DHX34: variants seen among roughly 807,000 people sequenced by gnomAD.
DHX34 encodes the protein DExH-box helicase 34.
DHX34 carries 96 observed loss-of-function variants against 111.1 expected under a neutral mutation model. That is an observed-to-expected ratio of 0.86 (90% CI 0.73 to 1.02). DHX34 has a LOEUF of 1.02. Among genes scored for constraint, DHX34 ranks in the 50% least tolerant of loss-of-function variants. DHX34 has a pLI of 0.00. For synonymous variants in DHX34, 688 were observed against 670.4 expected, an observed-to-expected ratio of 1.03 and a Z score of -0.41; for missense variants, 1,560 against 1,579.9, an observed-to-expected ratio of 0.99 and a Z score of 0.21.
At chr19:47,376,356 A>C in intron 11 of DHX34, 87 bp from the exon 12 acceptor site, 1 of 1,547,346 alleles carries the variant, frequency 6.5e-7, no homozygotes, top group Non-Finnish European at 8.7e-7. Context: ...TGGAGGAGGG[A>C]ACCTGGGCCA....
Position 47,368,863 on chromosome 19 carries a change from G to A in DHX34, c.1768+1708G>A, listed in dbSNP as rs560372248. 5.1e-4 allele frequency among the ~76,000 whole-genome samples: 78 copies of A among 151,800 alleles called. 1 individual carries two copies. The South Asian group carries it at 7.3e-3, about 14-fold the overall frequency. On this transcript the variant is annotated intron_variant, in intron 7 of 16. Coordinates refer to ENST00000328771, the MANE Select transcript of DHX34 (RefSeq NM_014681.6). ...TGAGTAGCTGAGACTGTAGGTGCCC[G>A]CCATCATACCTGGCTAATTTTTGTT...
rs1005362105 is a variant in DHX34, at chr19:47,353,869, C to G, written c.705+134C>G. On this transcript the variant is annotated intron_variant, in intron 2 of 16. Transcript: ENST00000328771. The surrounding 1 kb of genome is among the most constrained non-coding windows in gnomAD (Gnocchi z 4.6). ...AGCGATGATTCTTCTAGAACTTTAT[C>G]CACAGAGTGGCTTGTCTGTGGTCTA... The G allele has an allele frequency of 1.1e-6, 1 of 883,980 alleles. No individual in the cohort carries two copies. The highest frequency in any genetic ancestry group is 1.7e-6 in the Non-Finnish European group (1 of 600,978). 54.8% of individuals were successfully genotyped at this position (883,980 alleles called of 1,614,324 possible).
chr19:47,381,067 G>T (rs1970340305), intron 15 of DHX34, 75 bp downstream of exon 15: 2 of 1,549,508 alleles, frequency 1.3e-6, no homozygotes, highest in Non-Finnish European at 1.7e-6. Context: ...TTAGTCCAGG[G>T]ACATAGTTCC....
chr19:47,376,234 A>ACAGAC, intron 11 of DHX34, 137 bp downstream of exon 11: 1 of 1,434,730 alleles, frequency 7.0e-7, no homozygotes, highest in Non-Finnish European at 9.2e-7. Context: ...CAGTGGGAGG[A>ACAGAC]CAGACCCATC....
intron 5 of DHX34, among the ~76,000 whole-genome samples, chr19:47,361,098 C>T (rs997369408): frequency 3.9e-5 from 6 of 152,158 alleles, no homozygotes; most frequent in Admixed American, 3.9e-4. Flanking sequence ...TTAGTGCTGG[C>T]TGTGTGGCTG....
chr19:47,368,133 T>G (rs1438107360), intron 7 of DHX34, among the ~76,000 whole-genome samples: 2 of 149,770 alleles, frequency 1.3e-5, no homozygotes, highest in Non-Finnish European at 3.0e-5. Flanking sequence ...ACAGTGCAGA[T>G]GGTGCATGAG....
intron 11 of DHX34, 42 bp from the exon 12 acceptor site, chr19:47,376,401 G>A (rs748211923): frequency 6.3e-7 from 1 of 1,587,998 alleles, no homozygotes; most frequent in South Asian, 1.1e-5. Flanking sequence ...GCAGAGGAGA[G>A]AGCAGATAGG....
rs1161839864 is a variant in DHX34, at chr19:47,352,857, C to G, written c.-174C>G. The G allele has an allele frequency of 1.5e-6, 2 of 1,371,248 alleles. No homozygotes were observed. Among genetic ancestry groups the G allele is most frequent in the Admixed American group, 5.8e-5 (2 of 34,690 alleles). 84.9% of individuals were successfully genotyped at this position (1,371,248 alleles called of 1,614,324 possible). On this transcript the variant is annotated 5_prime_UTR_variant, in exon 2 of 17. Transcript: ENST00000328771. ...TCACCAGCTCAAGCAGGCCTCTGGC[C>G]ACTTTATCATCTGTGGTGGTCCTGT...
chr19:47,357,390 G>C (rs1969488067), intron 3 of DHX34, among the ~76,000 whole-genome samples: 2 of 152,142 alleles, frequency 1.3e-5, no homozygotes, highest in South Asian at 4.1e-4. Flanking sequence ...TTGTTACTTT[G>C]TCTTTTTATT....
At chr19:47,360,712 G>A (rs746522910) in intron 5 of DHX34, among the ~76,000 whole-genome samples, 10 of 151,700 alleles carry the variant, frequency 6.6e-5, no homozygotes, top group Non-Finnish European at 1.5e-4. Flanking sequence ...GTTTTGAGAC[G>A]GAGTCTTGCT....
Position 47,376,459 on chromosome 19 carries a change from C to A in DHX34, c.2498C>A (p.Ala833Asp). The A allele has an allele frequency of 1.2e-6, 2 of 1,611,628 alleles. No homozygotes were observed. Among genetic ancestry groups the A allele is most frequent in the Non-Finnish European group, 1.7e-6 (2 of 1,179,150 alleles). ...KDSDQIFHTQ[A>D]KQGAVLHPTC... is the part of the protein sequence containing the mutation. ...CCTCCGCAGATTTTCCACACGCAGGCCAAGCAGGGCGCCGTGCTGCACCCC... is the reference window on the plus strand; with the variant it reads ...CCTCCGCAGATTTTCCACACGCAGGACAAGCAGGGCGCCGTGCTGCACCCC... Residue 833 changes from alanine (A) to aspartate (D), a missense_variant, in exon 12 of 17, where the codon GCC becomes GAC. By Grantham distance (126) the Ala-to-Asp change is moderately radical. Transcript: ENST00000328771.
Position 47,355,287 on chromosome 19 carries a change from C to G in DHX34, c.954C>G (p.Leu318=), listed in dbSNP as rs1354614111. 1 of 1,614,150 alleles carries G rather than the reference C, an allele frequency of 6.2e-7. No homozygotes were observed. The highest frequency in any genetic ancestry group is 1.1e-5 in the South Asian group (1 of 91,080). ...TGTCGGCCACCATCAACATCTCGCTCTTCTCCAGCTATTTCAGCAATGCCC... is the reference window on the plus strand; with the variant it reads ...TGTCGGCCACCATCAACATCTCGCTGTTCTCCAGCTATTTCAGCAATGCCC... ...ILMSATINIS[L]FSSYFSNAPV... Residue 318 remains leucine (L), a synonymous_variant, in exon 3 of 17, where the codon CTC becomes CTG. Coordinates refer to ENST00000328771, the MANE Select transcript of DHX34 (RefSeq NM_014681.6).
intron 10 of DHX34, 50 bp from the exon 11 acceptor site, chr19:47,375,874 T>C: frequency 6.5e-7 from 1 of 1,546,376 alleles, no homozygotes; most frequent in South Asian, 1.2e-5. Context: ...CGGATCATGG[T>C]AGGAGCCCCT....
rs1201211915 is a variant in DHX34, at chr19:47,366,987, A to C, written c.1600A>C (p.Ser534Arg). Residue 534 changes from serine to arginine, a missense_variant, in exon 7 of 17, where the codon AGC (serine) becomes CGC (arginine). Coordinates refer to ENST00000328771, the MANE Select transcript of DHX34 (RefSeq NM_014681.6). ...GTTTTGCTTCTCATTCTAGATGAAG[A>C]GCATGAGTGTGGGGGACCCCCGAAC... The part of the protein sequence containing the change: ...ALDSLVLQMK[S>R]MSVGDPRTFP... The C allele has an allele frequency of 3.2e-6, 5 of 1,552,522 alleles. No individual in the cohort carries two copies. In the South Asian group the frequency reaches 3.7e-5, roughly 11 times the overall value.
Position 47,372,638 on chromosome 19 carries a change from G to A in DHX34, c.1769-92G>A, listed in dbSNP as rs536690674. ...CAAGATGGAGGGGGTGGGAGCAGGA[G>A]GGCAGGCGGGAGGGCAGGCTGGGGC... On this transcript the variant is annotated intron_variant, in intron 7 of 16. Coordinates refer to ENST00000328771, the MANE Select transcript of DHX34 (RefSeq NM_014681.6). 96 of 1,283,330 alleles carry A rather than the reference G, an allele frequency of 7.5e-5. No individual in the cohort carries two copies. The East Asian group carries it at 1.2e-3, about 17-fold the overall frequency. The allele number at this position is 1,283,330 out of a possible 1,614,324, so 79.5% of individuals were successfully genotyped here. A position where few individuals can be genotyped will look rare whatever the true frequency, so the allele number is the denominator to read the frequency against.
chr19:47,365,247 T>A (rs1375965337), intron 6 of DHX34, among the ~76,000 whole-genome samples: 75 of 151,648 alleles, frequency 4.9e-4, no homozygotes, highest in African/African-American at 1.8e-3. Context: ...TTTATTTATT[T>A]ATTTATTTAT....
At chr19:47,354,120 G>A (rs1203237844) in intron 2 of DHX34, among the ~76,000 whole-genome samples, 1 of 152,082 alleles carries the variant, frequency 6.6e-6, no homozygotes, top group Non-Finnish European at 1.5e-5. Flanking sequence ...CCGCCACCAT[G>A]CCCAGCTAAT....
Position 47,376,018 on chromosome 19 carries a change from A to G in DHX34, c.2402A>G (p.Lys801Arg). 1.2e-6 allele frequency: 2 copies of G among 1,605,232 alleles called. No individual in the cohort carries two copies. Among genetic ancestry groups the G allele is most frequent in the Non-Finnish European group, 1.7e-6 (2 of 1,177,318 alleles). ...DLSREQLALLKLVLGRGLYPQ... is the reference protein window; with the variant it reads ...DLSREQLALLRLVLGRGLYPQ... ...AGCCGCGAGCAGCTGGCTCTGCTGAAGCTGGTGCTGGGCCGGGGCCTGTAC... is the reference window on the plus strand; with the variant it reads ...AGCCGCGAGCAGCTGGCTCTGCTGAGGCTGGTGCTGGGCCGGGGCCTGTAC... The change falls in exon 11 of 17, where the codon AAG becomes AGG. Residue 801 changes from lysine (K) to arginine (R), a missense_variant. By Grantham distance (26) the Lys-to-Arg change is conservative. Coordinates refer to ENST00000328771, the MANE Select transcript of DHX34 (RefSeq NM_014681.6).
At chr19:47,376,419 G>A (rs766793604) in intron 11 of DHX34, 24 bp from the exon 12 acceptor site, 2 of 1,604,574 alleles carry the variant, frequency 1.2e-6, no homozygotes, top group South Asian at 1.1e-5. Context: ...AGGAGGGCTT[G>A]TGCTTTCTCT....
Sources: allele counts gnomAD v4.1 joint callset (sites outside exome capture counted in the v4.1 genomes callset), GRCh38; gene constraint gnomAD v4.1.1; non-coding constraint Gnocchi (gnomAD v3.1); transcripts MANE v1.5; gene names NCBI Gene and HGNC (gene_info 2026-07-23, HGNC 2026-07-21).